GATAD2A: variants seen among roughly 807,000 people sequenced by gnomAD.
GATAD2A encodes transcriptional repressor p66-alpha.
A neutral mutation model predicts 68.5 loss-of-function variants in GATAD2A; 12 were observed. That is an observed-to-expected ratio of 0.18 (90% CI 0.11 to 0.28). The LOEUF (loss-of-function observed/expected upper bound fraction) is 0.28. Ranked by LOEUF, GATAD2A falls within the 10% of genes least tolerant of loss-of-function variation. The pLI is 1.00. For synonymous variants in GATAD2A, 410 were observed against 375.3 expected, an observed-to-expected ratio of 1.09 and a Z score of -1.07; for missense variants, 755 against 868.5, an observed-to-expected ratio of 0.87 and a Z score of 1.64.
rs2060896115 is a variant in GATAD2A, at chr19:19,507,085, C to T, written c.*1611C>T. ...ATCTAATTTTTTGTTGTGCAAATCCCCAAATTTCTCACTAATTTTTGTTTT... is the reference window on the plus strand; with the variant it reads ...ATCTAATTTTTTGTTGTGCAAATCCTCAAATTTCTCACTAATTTTTGTTTT... On this transcript the variant is annotated 3_prime_UTR_variant, in exon 12 of 12. Coordinates refer to ENST00000683918, the MANE Select transcript of GATAD2A (RefSeq NM_001384528.1). 6.6e-6 allele frequency: 1 copy of T among 152,000 alleles called. No individual in the cohort carries two copies. Among genetic ancestry groups the T allele is most frequent in the Non-Finnish European group, 1.5e-5 (1 of 68,010 alleles). 9.4% of individuals were successfully genotyped at this position (152,000 alleles called of 1,614,324 possible).
intron 1 of GATAD2A, among the ~76,000 whole-genome samples, chr19:19,425,613 G>A (rs912588413): frequency 6.6e-6 from 1 of 152,128 alleles, no homozygotes; most frequent in Non-Finnish European, 1.5e-5. Context: ...TGTTCCAGTT[G>A]GGTACCTCAG....
chr19:19,501,746 T>C (rs1417954565), intron 9 of GATAD2A, among the ~76,000 whole-genome samples: 1 of 152,250 alleles, frequency 6.6e-6, no homozygotes, highest in Non-Finnish European at 1.5e-5. Flanking sequence ...GTTGTTTTAT[T>C]TTAATGCTTC....
At chr19:19,466,282 G>A (rs2148028126) in intron 2 of GATAD2A, among the ~76,000 whole-genome samples, 1 of 152,272 alleles carries the variant, frequency 6.6e-6, no homozygotes, top group East Asian at 1.9e-4. Flanking sequence ...CTTTCTCTCT[G>A]TAAAGACAAA....
chr19:19,419,655 T>G (rs1322392795), intron 1 of GATAD2A, among the ~76,000 whole-genome samples: 3 of 152,048 alleles, frequency 2.0e-5, no homozygotes, highest in African/African-American at 7.2e-5. Context: ...TAGCTGGGAT[T>G]ACAGGCACAA....
chr19:19,474,191 A>G (rs1354867792), intron 2 of GATAD2A: 2 of 983,278 alleles, frequency 2.0e-6, no homozygotes, highest in Non-Finnish European at 2.4e-6. Flanking sequence ...GTTTGGACAG[A>G]TGCTTTTTAC....
At chr19:19,449,157 C>G (rs1376373043) in intron 1 of GATAD2A, among the ~76,000 whole-genome samples, 3 of 152,126 alleles carry the variant, frequency 2.0e-5, no homozygotes, top group African/African-American at 7.2e-5. Context: ...CCTGTCTGTC[C>G]CAGGCTGGCC....
rs1442441485 is a variant in GATAD2A at position 19,501,339 on chromosome 19, C to T, written c.1426C>T (p.Arg476Trp). 1.1e-5 allele frequency: 18 copies of T among 1,612,238 alleles called. No individual in the cohort carries two copies. Among genetic ancestry groups the T allele is most frequent in the African/African-American group, 4.0e-5 (3 of 74,920 alleles). Reference sequence around the variant, plus strand: ...GCAGCAGGAACAGGAGATTGAGCAGCGGCTCCTGCAGCAGGGCACGGCCCC... The same window carrying T: ...GCAGCAGGAACAGGAGATTGAGCAGTGGCTCCTGCAGCAGGGCACGGCCCC... ...ALQQEQEIEQ[R>W]LLQQGTAPAQ... The change falls in exon 9 of 12, where the codon CGG (arginine) becomes TGG (tryptophan). Residue 476 changes from arginine (R) to tryptophan (W), a missense_variant. Coordinates refer to ENST00000683918, the MANE Select transcript of GATAD2A (RefSeq NM_001384528.1).
intron 9 of GATAD2A, 114 bp from the exon 10 acceptor site, chr19:19,501,855 C>T (rs955282431): frequency 4.0e-6 from 3 of 745,730 alleles, no homozygotes; most frequent in African/African-American, 1.8e-5. Context: ...TCAAGATCCC[C>T]ACTTGGCGCC....
rs180914776 is a variant in GATAD2A, at chr19:19,396,637, C to T, written c.-7+10499C>T. 2.2e-4 allele frequency among the ~76,000 whole-genome samples: 33 copies of T among 152,324 alleles called. No individual in the cohort carries two copies. The East Asian group carries it at 6.2e-3, about 28-fold the overall frequency. On this transcript the variant is annotated intron_variant, in intron 1 of 11. Coordinates refer to the GATAD2A transcript ENST00000360315. ...AGCTCAGGTGATCTGCCTGCCTTGGCCTCTTAAAGTGCTGGGATTTCAGGC... is the reference window on the plus strand; with the variant it reads ...AGCTCAGGTGATCTGCCTGCCTTGGTCTCTTAAAGTGCTGGGATTTCAGGC...
intron 1 of GATAD2A, among the ~76,000 whole-genome samples, chr19:19,413,610 C>A (rs2051226024): frequency 6.6e-6 from 1 of 152,074 alleles, no homozygotes; most frequent in African/African-American, 2.4e-5. Flanking sequence ...GAGATGGAGT[C>A]TCACTCTGTC....
chr19:19,406,585 C>T (rs1359549446), intron 1 of GATAD2A, among the ~76,000 whole-genome samples: 1 of 152,198 alleles, frequency 6.6e-6, no homozygotes, highest in African/African-American at 2.4e-5. Context: ...GGACCCTTTC[C>T]CCTCTCTGAT....
chr19:19,423,714 G>T (rs1161367799), intron 1 of GATAD2A, among the ~76,000 whole-genome samples: 3 of 152,240 alleles, frequency 2.0e-5, no homozygotes, highest in Non-Finnish European at 4.4e-5. Context: ...ATTCTTTGTT[G>T]TAGAGGGGGT....
chr19:19,477,512 C>G (rs996928202), intron 2 of GATAD2A, among the ~76,000 whole-genome samples: 1 of 152,040 alleles, frequency 6.6e-6, no homozygotes, highest in African/African-American at 2.4e-5. Context: ...GAAGAGTGGT[C>G]TGAGGGCACT....
intron 2 of GATAD2A, among the ~76,000 whole-genome samples, chr19:19,475,840 G>A (rs970493959): frequency 6.6e-6 from 1 of 152,038 alleles, no homozygotes; most frequent in Admixed American, 6.6e-5. Context: ...CCCAGAAATC[G>A]CTGAAATGTG....
chr19:19,432,622 C>T (rs755439410), intron 1 of GATAD2A, among the ~76,000 whole-genome samples: 14 of 152,172 alleles, frequency 9.2e-5, no homozygotes, highest in South Asian at 2.1e-4. Flanking sequence ...TTTTAAAGGT[C>T]GTTTTCAATT....
rs554841521 is a variant in GATAD2A, at chr19:19,409,180, G to C, written c.-7+3161G>C. 4.6e-5 allele frequency among the ~76,000 whole-genome samples: 7 copies of C among 152,198 alleles called. No homozygotes were observed. In the South Asian group the frequency reaches 1.5e-3, roughly 32 times the overall value. ...CATGTACTGACACCTCAAAGCCTGG[G>C]CAGCTCAGATGCTTTTCTGGAGAAC... is the stretch of plus-strand genomic sequence containing the variant. On this transcript the variant is annotated intron_variant, in intron 1 of 11. Transcript: ENST00000683918.
At chr19:19,504,487 C>T (rs1182804970) in intron 11 of GATAD2A, among the ~76,000 whole-genome samples, 1 of 152,132 alleles carries the variant, frequency 6.6e-6, no homozygotes, top group East Asian at 1.9e-4. Context: ...GAGACCCTTA[C>T]TGGACGCATT....
intron 4 of GATAD2A, 79 bp downstream of exon 4, chr19:19,492,791 C>A (rs776834176): frequency 1.3e-5 from 19 of 1,472,106 alleles, no homozygotes; most frequent in Non-Finnish European, 1.8e-5. Flanking sequence ...ATGTCAGCGG[C>A]CAGAAAGGTG....
In GATAD2A at chr19:19,457,219, C is replaced by T. The variant is rs562187464; in HGVS notation, c.-6-8121C>T. ...AGGTGTTGTACCTGCTGTCACAGAG[C>T]CTGTTATCTGGTGAGTGATTGGGAC... On this transcript the variant is annotated intron_variant, in intron 1 of 11. Transcript: ENST00000683918. 6 of 985,402 alleles carry T rather than the reference C, an allele frequency of 6.1e-6. No individual in the cohort carries two copies. The African/African-American group carries it at 8.7e-5, about 14-fold the overall frequency. The allele number at this position is 985,402 out of a possible 1,614,324, so 61.0% of individuals were successfully genotyped here.
Sources: allele counts gnomAD v4.1 joint callset (sites outside exome capture counted in the v4.1 genomes callset), GRCh38; gene constraint gnomAD v4.1.1; transcripts MANE v1.5; gene names NCBI Gene and HGNC (gene_info 2026-07-23, HGNC 2026-07-21).